Variants in VPS33B observed in about 807,000 individuals in gnomAD.
VPS33B encodes vacuolar protein sorting-associated protein 33B.
In VPS33B, 80 loss-of-function variants were observed where a neutral mutation model predicts 95.3. That is an observed-to-expected ratio of 0.84 (90% CI 0.70 to 1.01). VPS33B has a LOEUF of 1.01. VPS33B is among the 50% of genes least tolerant of loss of function. VPS33B has a pLI of 0.00. For missense variants in VPS33B, 715 were observed against 773.4 expected (o/e 0.92, Z 0.90); for synonymous variants, 280 against 280.4 (o/e 1.00, Z 0.01).
chr15:91,008,980 A>C (rs2040697223), intron 6 of VPS33B, among the ~76,000 whole-genome samples: 1 of 152,130 alleles, frequency 6.6e-6, no homozygotes. Flanking sequence ...GATGAGGCTA[A>C]TGGGACAGGA....
chr15:91,017,403 T>G (rs1300280758), intron 2 of VPS33B, among the ~76,000 whole-genome samples: 1 of 81,110 alleles, frequency 1.2e-5, no homozygotes, highest in Non-Finnish European at 2.3e-5. Context: ...TATATATATA[T>G]ATATATATAT....
intron 4 of VPS33B, among the ~76,000 whole-genome samples, 165 bp downstream of exon 4, chr15:91,014,219 C>CAAA (rs61232231): frequency 4.1e-3 from 231 of 56,366 alleles, no homozygotes; most frequent in East Asian, 6.5e-3. Flanking sequence ...AACTCCGTCT[C>CAAA]AAAAAAAAAA....
chr15:91,014,219 C>CAAAA (rs61232231), intron 4 of VPS33B, among the ~76,000 whole-genome samples, 165 bp downstream of exon 4: 54 of 59,298 alleles, frequency 9.1e-4, no homozygotes, highest in African/African-American at 1.5e-3. Flanking sequence ...AACTCCGTCT[C>CAAAA]AAAAAAAAAA....
Position 90,999,092 on chromosome 15 carries a change from G to T in VPS33B, c.1775-38C>A. 6.2e-7 allele frequency: 1 copy of T among 1,606,894 alleles called. No individual in the cohort carries two copies. ...ATGCAGCAGCAGAAGAGACAGCACA[G>T]ATCTTAGGCCCCAACGGCAACCCAT... On this transcript the variant is annotated intron_variant, in intron 22 of 22. Coordinates refer to ENST00000333371, the MANE Select transcript of VPS33B (RefSeq NM_018668.5). This position sits in a 1 kb window ranked among gnomAD's most constrained non-coding sequence, Gnocchi z 5.1.
In VPS33B at chr15:91,009,460, T is replaced by C. The variant is rs1213739794; in HGVS notation, c.403+341A>G. On this transcript the variant is annotated intron_variant, in intron 6 of 22. Transcript: ENST00000333371. The surrounding 1 kb of genome is among the most constrained non-coding windows in gnomAD (Gnocchi z 4.1). Reference sequence around the variant, plus strand: ...TAGCTGGGATTACAAGCGTGCGCCATCACGCCCAGCTAATTATTGTATTTT... The same window carrying C: ...TAGCTGGGATTACAAGCGTGCGCCACCACGCCCAGCTAATTATTGTATTTT... Among the ~76,000 whole-genome samples the C allele has an allele frequency of 1.3e-5, 2 of 151,838 alleles. No individual in the cohort carries two copies. Among genetic ancestry groups the C allele is most frequent in the Non-Finnish European group, 2.9e-5 (2 of 67,940 alleles).
rs371402252 is a variant in VPS33B, at chr15:91,007,819, C to T, written c.498+51G>A. ...TTGGTATTTCTAGCCCTCTGCATCCCACATTTGTCCCCATCCCCTGATGCC... is the reference window on the plus strand; with the variant it reads ...TTGGTATTTCTAGCCCTCTGCATCCTACATTTGTCCCCATCCCCTGATGCC... On this transcript the variant is annotated intron_variant, in intron 7 of 22. Coordinates refer to ENST00000333371, the MANE Select transcript of VPS33B (RefSeq NM_018668.5). The surrounding 1 kb of genome is among the most constrained non-coding windows in gnomAD (Gnocchi z 5.3). 170 of 1,541,652 alleles carry T rather than the reference C, an allele frequency of 1.1e-4. 2 individuals carry two copies. In the South Asian group the frequency reaches 1.8e-3, roughly 16 times the overall value.
At position 91,000,033 on chromosome 15, in the gene VPS33B, A is replaced by C; in HGVS notation, c.1582-58T>G. ...CAGACAGTATCAGGCTTAGGAAAGGAAGGGCACAGCAGCCAGACTGTCACA... is the reference window on the plus strand; with the variant it reads ...CAGACAGTATCAGGCTTAGGAAAGGCAGGGCACAGCAGCCAGACTGTCACA... On this transcript the variant is annotated intron_variant, in intron 20 of 22. Transcript: ENST00000333371. This position sits in a 1 kb window ranked among gnomAD's most constrained non-coding sequence, Gnocchi z 4.9. 9 of 1,601,052 alleles carry C rather than the reference A, an allele frequency of 5.6e-6. No homozygotes were observed. The South Asian group carries it at 9.9e-5, about 18-fold the overall frequency.
rs2040608834 is a variant in VPS33B at position 91,006,498 on chromosome 15, C to G, written c.779-53G>C. The G allele has an allele frequency of 6.2e-7, 1 of 1,613,020 alleles. No homozygotes were observed. The highest frequency in any genetic ancestry group is 1.7e-5 in the Admixed American group (1 of 60,028). On this transcript the variant is annotated intron_variant, in intron 10 of 22. Transcript: ENST00000333371. This position sits in a 1 kb window ranked among gnomAD's most constrained non-coding sequence, Gnocchi z 5.4. ...GATCTCCAATGAGGACTTCTCCTAC[C>G]ATTCCCTGAACTGCCATAAAGGTCC...
rs980780021 is a variant in VPS33B at position 91,005,978 on chromosome 15, A to G, written c.934T>C (p.Tyr312His). Residue 312 changes from tyrosine (Y) to histidine (H), a missense_variant, in exon 12 of 23, where the codon TAT (tyrosine) becomes CAT (histidine). By Grantham distance (83) the Tyr-to-His change is moderately conservative (BLOSUM62 2). Transcript: ENST00000333371. This position sits in a 1 kb window ranked among gnomAD's most constrained non-coding sequence, Gnocchi z 6.4. ...SQKARNLQAQ[Y>H]DRRRGMDIKQ... Reference sequence around the variant, plus strand: ...AGCAGGGCTTGGAGCCTCACATCATACTGGGCCTGCAAGTTCCGGGCCTTC... The same window carrying G: ...AGCAGGGCTTGGAGCCTCACATCATGCTGGGCCTGCAAGTTCCGGGCCTTC... 9 of 1,613,996 alleles carry G rather than the reference A, an allele frequency of 5.6e-6. No homozygotes were observed. In the Admixed American group the frequency reaches 1.3e-4, roughly 24 times the overall value.
At chr15:91,017,768 A>C (rs756808992) in intron 2 of VPS33B, 37 bp downstream of exon 2, 6 of 1,599,586 alleles carry the variant, frequency 3.8e-6, no homozygotes, top group Non-Finnish European at 5.1e-6. Context: ...AAAACTGCTT[A>C]AAGAGGGGCA....
chr15:90,999,674 T>C lies in VPS33B; in HGVS notation c.1774+3A>G, dbSNP rs769242644. ...CAATTCTCACCTTTCTGCTCTCTCT[T>C]ACCTTTCTCTCTGCCCAGGAACCGG... On this transcript the variant is annotated splice_donor_region_variant and intron_variant, in intron 22 of 22. Coordinates refer to ENST00000333371, the MANE Select transcript of VPS33B (RefSeq NM_018668.5). The surrounding 1 kb of genome is among the most constrained non-coding windows in gnomAD (Gnocchi z 5.1). 3.7e-6 allele frequency: 6 copies of C among 1,613,994 alleles called. No homozygotes were observed. The South Asian group carries it at 4.4e-5, about 12-fold the overall frequency.
Position 91,003,132 on chromosome 15 carries a change from C to A in VPS33B, c.1226-1G>T, listed in dbSNP as rs754608126. The stretch of plus-strand genomic sequence containing the variant: ...GATCGGTAATCCTTGGGGATCAAAC[C>A]TAAGAGTGAAGAAAATAAGACAGGT... On this transcript the variant is annotated splice_acceptor_variant, in intron 16 of 22. Coordinates refer to ENST00000333371, the MANE Select transcript of VPS33B (RefSeq NM_018668.5). LOFTEE classifies it high-confidence loss of function. The A allele has an allele frequency of 6.2e-7, 1 of 1,614,132 alleles. No homozygotes were observed. Among genetic ancestry groups the A allele is most frequent in the Non-Finnish European group, 8.5e-7 (1 of 1,180,032 alleles).
chr15:91,007,501 G>A lies in VPS33B; in HGVS notation c.571C>T (p.Pro191Ser), dbSNP rs775778438. ...CACCTGCCAATTCCATAGCAGTTTG[G>A]AAAGGGTCCATAGAGAGTGCTGAGA... is the stretch of plus-strand genomic sequence containing the variant. ...HLLSTLYGPFPNCYGIGRCAK... is the reference protein window; with the variant it reads ...HLLSTLYGPFSNCYGIGRCAK... The change falls in exon 8 of 23, where the codon CCA becomes TCA. Residue 191 changes from proline to serine, a missense_variant. Pro to Ser is a moderately conservative substitution (Grantham distance 74). Transcript: ENST00000333371. The surrounding 1 kb of genome is among the most constrained non-coding windows in gnomAD (Gnocchi z 5.3). 9 of 1,614,216 alleles carry A rather than the reference G, an allele frequency of 5.6e-6. No homozygotes were observed. The East Asian group carries it at 1.3e-4, about 24-fold the overall frequency.
At position 91,014,368 on chromosome 15, in the gene VPS33B, A is replaced by G. The variant is rs2040864765; in HGVS notation, c.289+16T>C. On this transcript the variant is annotated intron_variant, in intron 4 of 22. Transcript: ENST00000333371. ...GCCCTTTCCCACAGTTACACATAGT[A>G]CCATGGCACACTCACTGGCAATGTA... 6.2e-7 allele frequency: 1 copy of G among 1,614,118 alleles called. No homozygotes were observed. Among genetic ancestry groups the G allele is most frequent in the Non-Finnish European group, 8.5e-7 (1 of 1,179,982 alleles).
chr15:91,002,989 G>A lies in VPS33B; in HGVS notation c.1272+96C>T. The A allele has an allele frequency of 1.5e-6, 2 of 1,340,876 alleles. No individual in the cohort carries two copies. The highest frequency in any genetic ancestry group is 1.2e-5 in the South Asian group (1 of 85,444). The allele number at this position is 1,340,876 out of a possible 1,614,324, so 83.1% of individuals were successfully genotyped here. A position where few individuals can be genotyped will look rare whatever the true frequency, so the allele number is the denominator to read the frequency against. ...CCTGAATGGAAACAGGAGGGTAATGGAGGCAGGAAAGGGGCCACTTCTCTT... is the reference window on the plus strand; with the variant it reads ...CCTGAATGGAAACAGGAGGGTAATGAAGGCAGGAAAGGGGCCACTTCTCTT... On this transcript the variant is annotated intron_variant, in intron 17 of 22. Transcript: ENST00000333371. The surrounding 1 kb of genome is among the most constrained non-coding windows in gnomAD (Gnocchi z 4.7).
chr15:91,007,685 A>G lies in VPS33B; in HGVS notation c.499-112T>C. 1 of 1,293,516 alleles carries G rather than the reference A, an allele frequency of 7.7e-7. No individual in the cohort carries two copies. The highest frequency in any genetic ancestry group is 1.1e-6 in the Non-Finnish European group (1 of 893,900). The allele number at this position is 1,293,516 out of a possible 1,614,324, so 80.1% of individuals were successfully genotyped here. ...GGTGGCAGGGCCTGGGGGATGCTTG[A>G]AAGGTTTTCATTGGCTCCACAGGAA... On this transcript the variant is annotated intron_variant, in intron 7 of 22. Coordinates refer to ENST00000333371, the MANE Select transcript of VPS33B (RefSeq NM_018668.5). This position sits in a 1 kb window ranked among gnomAD's most constrained non-coding sequence, Gnocchi z 5.3.
intron 16 of VPS33B, among the ~76,000 whole-genome samples, chr15:91,004,110 G>A (rs1211160010): frequency 2.6e-5 from 4 of 151,968 alleles, no homozygotes; most frequent in African/African-American, 9.7e-5. Context: ...TGTAGTCACA[G>A]CTACTTGAGA....
intron 3 of VPS33B, 117 bp from the exon 4 acceptor site, chr15:91,014,550 G>T: frequency 8.8e-7 from 1 of 1,132,446 alleles, no homozygotes; most frequent in Non-Finnish European, 1.3e-6. Context: ...TCTCATCCTA[G>T]CCAAAGCTAT....
At chr15:91,014,456 AAC>A in intron 3 of VPS33B, 23 bp from the exon 4 acceptor site, 2 of 1,613,444 alleles carry the variant, frequency 1.2e-6, no homozygotes, top group Non-Finnish European at 1.7e-6. Flanking sequence ...AAGAAAAAAA[AAC>A]AGTGAAGAAG....
Sources: gnomAD v4.1 joint callset for allele counts (sites outside exome capture counted in the v4.1 genomes callset) on GRCh38, gnomAD v4.1.1 for gene constraint, Gnocchi (gnomAD v3.1) non-coding constraint, MANE v1.5 for transcripts, NCBI Gene and HGNC (gene_info 2026-07-23, HGNC 2026-07-21) for gene names.